CFAP61: variants seen among roughly 807,000 people sequenced by gnomAD.
CFAP61 encodes the protein cilia- and flagella-associated protein 61.
Under a neutral mutation model 135.6 loss-of-function variants are expected in CFAP61, and 107 were observed. The observed-to-expected ratio is 0.79, with a 90% CI of 0.67 to 0.93. The LOEUF (loss-of-function observed/expected upper bound fraction) is 0.93, where lower values mean the gene tolerates loss of function less well. CFAP61 is among the 40% of genes least tolerant of loss of function. CFAP61 has a pLI of 0.00. For synonymous variants in CFAP61, 575 were observed against 578.5 expected (o/e 0.99, Z 0.09); for missense variants, 1,507 against 1,556.2 (o/e 0.97, Z 0.53).
intron 8 of CFAP61, among the ~76,000 whole-genome samples, chr20:20,106,215 G>T (rs1006827854): frequency 6.6e-6 from 1 of 151,864 alleles, no homozygotes; most frequent in Non-Finnish European, 1.5e-5. Context: ...AGGATACCAG[G>T]AAGACTGTAA....
Position 20,263,118 on chromosome 20 carries a change from A to G in CFAP61, c.2491A>G (p.Ile831Val). ...ACTGATTTGGATAAGGAATAACTCC[A>G]TCACCACAGAAGGTAAGGATGTCGG... is the stretch of plus-strand genomic sequence containing the variant. ...KALIWIRNNS[I>V]TTEGNIIVYG... Residue 831 changes from isoleucine to valine, a missense_variant, in exon 21 of 27, where the codon ATC becomes GTC. By Grantham distance (29) the Ile-to-Val change is conservative. Coordinates refer to ENST00000245957, the MANE Select transcript of CFAP61 (RefSeq NM_015585.4). 1 of 1,612,496 alleles carries G rather than the reference A, an allele frequency of 6.2e-7. No homozygotes were observed. The highest frequency in any genetic ancestry group is 8.5e-7 in the Non-Finnish European group (1 of 1,179,010).
intron 2 of CFAP61, among the ~76,000 whole-genome samples, chr20:20,067,663 A>AAAAT (rs1555835315): frequency 7.2e-6 from 1 of 138,630 alleles, no homozygotes; most frequent in Non-Finnish European, 1.5e-5. Context: ...ATATATATAT[A>AAAAT]ATATATATAT....
At chr20:20,228,733 T>C (rs2048917455) in intron 18 of CFAP61, 1 of 168,468 alleles carries the variant, frequency 5.9e-6, no homozygotes, top group African/African-American at 2.4e-5. Flanking sequence ...GCCTAAAATA[T>C]GTACAGTCTC....
At chr20:20,085,091 G>A (rs567063510) in intron 6 of CFAP61, 17 of 985,056 alleles carry the variant, frequency 1.7e-5, no homozygotes, top group South Asian at 4.7e-5. Context: ...TACTATTTCC[G>A]TTGCACTCTG....
At chr20:20,118,915 T>C (rs2049392136) in intron 8 of CFAP61, among the ~76,000 whole-genome samples, 1 of 152,024 alleles carries the variant, frequency 6.6e-6, no homozygotes, top group Admixed American at 6.6e-5. Flanking sequence ...ACTCTTGAGC[T>C]CAAGTGATCC....
chr20:20,251,322 CAT>C (rs1403600538), intron 19 of CFAP61, among the ~76,000 whole-genome samples: 1 of 146,678 alleles, frequency 6.8e-6, no homozygotes, highest in East Asian at 2.0e-4. Context: ...CACACACACA[CAT>C]ACAGATAAAC....
chr20:20,167,138 C>A (rs2053898208), intron 12 of CFAP61, among the ~76,000 whole-genome samples: 2 of 152,174 alleles, frequency 1.3e-5, no homozygotes, highest in Admixed American at 1.3e-4. Context: ...AACTGTACTT[C>A]TCCAGTTGAC....
At chr20:20,265,158 G>A (rs1022663362) in intron 21 of CFAP61, among the ~76,000 whole-genome samples, 3 of 152,190 alleles carry the variant, frequency 2.0e-5, no homozygotes, top group Non-Finnish European at 4.4e-5. Context: ...AGAAAAGCCA[G>A]TGGTTCAAGA....
intron 8 of CFAP61, among the ~76,000 whole-genome samples, chr20:20,105,777 G>A (rs1339413622): frequency 7.5e-5 from 11 of 147,590 alleles, no homozygotes; most frequent in East Asian, 2.0e-4. Context: ...GACTACAGGC[G>A]CCTGCCACCA....
At chr20:20,309,220 T>G (rs1021020593) in intron 25 of CFAP61, among the ~76,000 whole-genome samples, 3 of 152,216 alleles carry the variant, frequency 2.0e-5, no homozygotes, top group African/African-American at 7.2e-5. Flanking sequence ...CATATTTGTT[T>G]AATTTTTAAA....
At chr20:20,279,568 A>G (rs532269238) in intron 22 of CFAP61, among the ~76,000 whole-genome samples, 14 of 152,154 alleles carry the variant, frequency 9.2e-5, no homozygotes, top group Admixed American at 5.9e-4. Context: ...AAGAGAAGGA[A>G]GAGGAGGGGT....
At chr20:20,111,410 C>T (rs1331722729) in intron 8 of CFAP61, among the ~76,000 whole-genome samples, 1 of 152,194 alleles carries the variant, frequency 6.6e-6, no homozygotes, top group Non-Finnish European at 1.5e-5. Flanking sequence ...CCTGGGCCTG[C>T]CGGGAAGTAG....
At chr20:20,188,181 G>A in intron 14 of CFAP61, 125 bp downstream of exon 14, 4 of 947,070 alleles carry the variant, frequency 4.2e-6, no homozygotes, top group South Asian at 1.7e-5. Flanking sequence ...TGGAGGTAGA[G>A]TTAGAAGATG....
intron 25 of CFAP61, among the ~76,000 whole-genome samples, chr20:20,313,197 A>G (rs925197005): frequency 6.6e-6 from 1 of 152,136 alleles, no homozygotes; most frequent in Non-Finnish European, 1.5e-5. Flanking sequence ...TTCTCTCTCT[A>G]TCTCTCTCTC....
rs550985599 is a variant in CFAP61 at position 20,072,711 on chromosome 20, A to G, written c.295-1591A>G. On this transcript the variant is annotated intron_variant, in intron 3 of 26. Transcript: ENST00000245957. ...GTCCAATGTGGTAGCCACCAGCCTT[A>G]TGTAACTAACGAGCGCTTGAAATGT... is the stretch of plus-strand genomic sequence containing the variant. Among the ~76,000 whole-genome samples, 3 of 152,328 alleles carry G rather than the reference A, an allele frequency of 2.0e-5. No homozygotes were observed. The East Asian group carries it at 5.8e-4, about 29-fold the overall frequency.
At chr20:20,147,810 A>G (rs1399972642) in intron 9 of CFAP61, among the ~76,000 whole-genome samples, 1 of 151,842 alleles carries the variant, frequency 6.6e-6, no homozygotes, top group African/African-American at 2.4e-5. Flanking sequence ...GGTCTTAGTC[A>G]TGAATTCTTT....
At chr20:20,182,311 T>C (rs1431497270) in intron 13 of CFAP61, among the ~76,000 whole-genome samples, 4 of 152,202 alleles carry the variant, frequency 2.6e-5, no homozygotes, top group Non-Finnish European at 4.4e-5. Context: ...TTGTTGAGAA[T>C]AAAATAGTAT....
intron 6 of CFAP61, among the ~76,000 whole-genome samples, chr20:20,090,553 G>A (rs935667108): frequency 6.6e-6 from 1 of 151,958 alleles, no homozygotes; most frequent in Non-Finnish European, 1.5e-5. Context: ...AGCTGGGCGT[G>A]GTGGTGCATG....
At chr20:20,056,186 TC>T in intron 1 of CFAP61, 1 of 583,666 alleles carries the variant, frequency 1.7e-6, no homozygotes, top group Non-Finnish European at 3.0e-6. Flanking sequence ...AAAATATGTC[TC>T]AAGACTGCTG....
Sources: gnomAD v4.1 joint callset for allele counts (sites outside exome capture counted in the v4.1 genomes callset) on GRCh38, gnomAD v4.1.1 for gene constraint, MANE v1.5 for transcripts, NCBI Gene and HGNC (gene_info 2026-07-23, HGNC 2026-07-21) for gene names.